Variants in STAB2 observed in about 807,000 individuals in gnomAD.
The protein encoded by STAB2 is stabilin 2.
In STAB2, 288 loss-of-function variants were observed where a neutral mutation model predicts 338.1. The ratio of observed to expected loss-of-function variants is 0.85; its 90% CI spans 0.77 to 0.94. STAB2 has a LOEUF of 0.94. STAB2 is among the 40% of genes least tolerant of loss of function. The pLI is 0.00. For synonymous variants in STAB2, 1,202 were observed against 1,193.3 expected, an observed-to-expected ratio of 1.01 and a Z score of -0.15; for missense variants, 3,141 against 3,210.1, an observed-to-expected ratio of 0.98 and a Z score of 0.52.
chr12:103,730,068 T>A, intron 48 of STAB2, 48 bp from the exon 49 acceptor site: 1 of 1,511,834 alleles, frequency 6.6e-7, no homozygotes, highest in Non-Finnish European at 8.8e-7. Context: ...CAATTTTGTG[T>A]CTATTTCACT....
At chr12:103,631,397 A>G (rs1378622829) in intron 5 of STAB2, among the ~76,000 whole-genome samples, 2 of 152,000 alleles carry the variant, frequency 1.3e-5, no homozygotes, top group Non-Finnish European at 2.9e-5. Flanking sequence ...ACTTGACTCT[A>G]TAGAAATCCC....
At position 103,763,547 on chromosome 12, in the gene STAB2, C is replaced by T. The variant is rs747939977; in HGVS notation, c.7544C>T (p.Ser2515Leu). The change falls in exon 68 of 69, where the codon TCG becomes TTG. Residue 2515 changes from serine (S) to leucine (L), a missense_variant. Ser to Leu is a moderately radical substitution (Grantham distance 145). Transcript: ENST00000388887. ...ALGKQQPENI[S>L]NPLYESTTSA... ...GGCAAGCAGCAGCCTGAGAATATCTCGAACCCCTTGTATGAGAGCACAACC... is the reference window on the plus strand; with the variant it reads ...GGCAAGCAGCAGCCTGAGAATATCTTGAACCCCTTGTATGAGAGCACAACC... 15 of 1,613,978 alleles carry T rather than the reference C, an allele frequency of 9.3e-6. No individual in the cohort carries two copies. Among genetic ancestry groups the T allele is most frequent in the Admixed American group, 1.7e-5 (1 of 59,994 alleles).
At chr12:103,599,583 T>C (rs1436319587) in intron 3 of STAB2, among the ~76,000 whole-genome samples, 1 of 152,228 alleles carries the variant, frequency 6.6e-6, no homozygotes, top group Non-Finnish European at 1.5e-5. Flanking sequence ...CTATTTGAAT[T>C]TCAGATAACT....
chr12:103,618,743 A>C (rs1183712541), intron 3 of STAB2, among the ~76,000 whole-genome samples: 1 of 152,200 alleles, frequency 6.6e-6, no homozygotes, highest in African/African-American at 2.4e-5. Context: ...TATGGCTAAA[A>C]ATAAGATTTA....
At chr12:103,736,377 C>T (rs1274598632) in intron 52 of STAB2, among the ~76,000 whole-genome samples, 3 of 152,196 alleles carry the variant, frequency 2.0e-5, no homozygotes, top group African/African-American at 7.2e-5. Context: ...CAACAAGTTC[C>T]ATACAACATT....
intron 59 of STAB2, 87 bp downstream of exon 59, chr12:103,749,243 C>T: frequency 1.5e-6 from 2 of 1,344,994 alleles, no homozygotes; most frequent in East Asian, 2.5e-5. Flanking sequence ...CTCTGCTTAT[C>T]TCCTGGACTC....
chr12:103,651,066 CTGT>C (rs1326322131), intron 11 of STAB2, among the ~76,000 whole-genome samples: 1 of 152,140 alleles, frequency 6.6e-6, no homozygotes, highest in African/African-American at 2.4e-5. Flanking sequence ...GTGTGAGCAG[CTGT>C]TGTTTGAGAT....
intron 9 of STAB2, among the ~76,000 whole-genome samples, chr12:103,642,759 C>A (rs1011226184): frequency 6.6e-5 from 10 of 152,188 alleles, no homozygotes; most frequent in Admixed American, 1.3e-4. Flanking sequence ...CTGGGCCCCC[C>A]ACTAGACCAC....
rs967441641 is a variant in STAB2 at position 103,662,922 on chromosome 12, C to T, written c.1946C>T (p.Thr649Ile). Residue 649 changes from threonine (T) to isoleucine (I), a missense_variant, in exon 18 of 69, where the codon ACA (threonine) becomes ATA (isoleucine). Coordinates refer to ENST00000388887, the MANE Select transcript of STAB2 (RefSeq NM_017564.10). ...AAAAATGGCCGAATTTACACACTGA[C>T]AGGAGTTCTCATTCCTCCCTCCATT... ...TAKNGRIYTL[T>I]GVLIPPSIVP... is the part of the protein sequence containing the mutation. 3 of 1,614,078 alleles carry T rather than the reference C, an allele frequency of 1.9e-6. No individual in the cohort carries two copies. The highest frequency in any genetic ancestry group is 1.3e-5 in the African/African-American group (1 of 74,918).
At chr12:103,692,958 A>C in intron 31 of STAB2, 69 bp downstream of exon 31, 1 of 1,129,656 alleles carries the variant, frequency 8.9e-7, no homozygotes. Flanking sequence ...CCTATACAGC[A>C]TTTTTTTTTT....
chr12:103,725,600 G>A (rs1881124917), intron 45 of STAB2, among the ~76,000 whole-genome samples: 3 of 151,678 alleles, frequency 2.0e-5, no homozygotes, highest in Non-Finnish European at 4.4e-5. Flanking sequence ...GTGCATGTGT[G>A]TACGTGTGTG....
intron 30 of STAB2, among the ~76,000 whole-genome samples, chr12:103,690,851 G>A (rs533195303): frequency 5.3e-5 from 8 of 152,242 alleles, no homozygotes; most frequent in African/African-American, 9.6e-5. Flanking sequence ...TTCTTTTGAC[G>A]TATAGTTGAT....
At chr12:103,631,962 G>C (rs1257080390) in intron 6 of STAB2, among the ~76,000 whole-genome samples, 1 of 152,160 alleles carries the variant, frequency 6.6e-6, no homozygotes, top group Non-Finnish European at 1.5e-5. Context: ...CCAGGTGAAG[G>C]GTAGAATGGA....
intron 5 of STAB2, among the ~76,000 whole-genome samples, chr12:103,624,941 A>C (rs1957357613): frequency 4.1e-4 from 2 of 4,858 alleles, no homozygotes; most frequent in African/African-American, 1.8e-3. Context: ...ACTCCATCTC[A>C]AAAAAAAAAA....
At chr12:103,722,435 C>G (rs1326027391) in intron 44 of STAB2, among the ~76,000 whole-genome samples, 1 of 152,078 alleles carries the variant, frequency 6.6e-6, no homozygotes, top group Non-Finnish European at 1.5e-5. Flanking sequence ...AAGGTGGAGG[C>G]TTGTGTAAAA....
At chr12:103,737,832 C>T (rs766728701) in intron 53 of STAB2, 52 bp downstream of exon 53, 1 of 1,607,134 alleles carries the variant, frequency 6.2e-7, no homozygotes, top group East Asian at 2.2e-5. Flanking sequence ...CAAAGAATGG[C>T]CCTCATGATC....
chr12:103,740,902 G>C (rs1882533419), intron 55 of STAB2, 146 bp downstream of exon 55: 5 of 1,199,968 alleles, frequency 4.2e-6, no homozygotes, highest in Non-Finnish European at 5.6e-6. Context: ...CTGAAGAGTT[G>C]TGTATCATTC....
At chr12:103,693,756 A>T (rs1878158034) in intron 31 of STAB2, among the ~76,000 whole-genome samples, 1 of 152,206 alleles carries the variant, frequency 6.6e-6, no homozygotes, top group Non-Finnish European at 1.5e-5. Context: ...CCATATTAGG[A>T]TCTTCATTTA....
chr12:103,760,883 C>T (rs945172478), intron 65 of STAB2, among the ~76,000 whole-genome samples: 1 of 152,164 alleles, frequency 6.6e-6, no homozygotes, highest in Non-Finnish European at 1.5e-5. Context: ...GGCACAGGGC[C>T]TCAGCTTCTG....
Sources: gnomAD v4.1 joint callset for allele counts (sites outside exome capture counted in the v4.1 genomes callset) on GRCh38, gnomAD v4.1.1 for gene constraint, MANE v1.5 for transcripts, NCBI Gene and HGNC (gene_info 2026-07-23, HGNC 2026-07-21) for gene names.